TRPA1: variants seen among roughly 807,000 people sequenced by gnomAD.
TRPA1 encodes the protein ankyrin-like with transmembrane domains 1.
A neutral mutation model predicts 131.3 loss-of-function variants in TRPA1; 129 were observed. The ratio of observed to expected loss-of-function variants is 0.98; its 90% confidence interval spans 0.85 to 1.14. The LOEUF (loss-of-function observed/expected upper bound fraction) is 1.14. Ranked by LOEUF, TRPA1 falls within the 50% of genes most tolerant of loss-of-function variation. The pLI is 0.00. For synonymous variants in TRPA1, 441 were observed against 451.7 expected, an observed-to-expected ratio of 0.98 and a Z score of 0.30; for missense variants, 1,304 against 1,354.2, an observed-to-expected ratio of 0.96 and a Z score of 0.58.
chr8:72,059,912 CA>C (rs1805767614), intron 7 of TRPA1, among the ~76,000 whole-genome samples: 1 of 152,008 alleles, frequency 6.6e-6, no homozygotes. Context: ...TTTATGAAGC[CA>C]AAAATAATTA....
chr8:72,052,716 G>C lies in TRPA1; in HGVS notation c.1694C>G (p.Ala565Gly). Residue 565 changes from alanine (A) to glycine (G), a missense_variant, in exon 14 of 27, where the codon GCG becomes GGG. Transcript: ENST00000262209. Reference protein sequence around the residue: ...AAREGHAKAVALLLSHNADIV... With the variant: ...AAREGHAKAVGLLLSHNADIV... The stretch of plus-strand genomic sequence containing the variant: ...GTCAGCATTGTGGCTCAGAAGAAGC[G>C]CAACGGCTTTGGCGTGGCCTTCCCT... 1 of 1,613,774 alleles carries C rather than the reference G, an allele frequency of 6.2e-7. No homozygotes were observed. Among genetic ancestry groups the C allele is most frequent in the African/African-American group, 1.3e-5 (1 of 74,994 alleles).
upstream of TRPA1, among the ~76,000 whole-genome samples, chr8:72,079,814 A>G (rs1243849416): frequency 1.3e-5 from 2 of 151,964 alleles, no homozygotes; most frequent in African/African-American, 2.4e-5. Context: ...TTCAGTTTAT[A>G]TATATCTGTC....
intron 25 of TRPA1, among the ~76,000 whole-genome samples, chr8:72,024,292 A>T (rs908467148): frequency 3.3e-5 from 5 of 152,204 alleles, no homozygotes; most frequent in Non-Finnish European, 5.9e-5. Flanking sequence ...AATACAACTC[A>T]ACCAATCAAC....
At chr8:72,085,815 T>G in the TRPA1 span, among the ~76,000 whole-genome samples, 13 of 152,306 alleles carry the variant, frequency 8.5e-5, no homozygotes, top group African/African-American at 2.6e-4. Flanking sequence ...GTTTTCTTTT[T>G]TATTGTTTTA....
chr8:72,041,852 A>G (rs1162462207), intron 17 of TRPA1, among the ~76,000 whole-genome samples: 1 of 151,840 alleles, frequency 6.6e-6, no homozygotes, highest in African/African-American at 2.4e-5. Context: ...TGAAGAAAAT[A>G]ATAATGATTA....
intron 24 of TRPA1, among the ~76,000 whole-genome samples, chr8:72,029,349 A>T (rs949674303): frequency 6.6e-6 from 1 of 152,210 alleles, no homozygotes; most frequent in African/African-American, 2.4e-5. Flanking sequence ...AAAGATGCTC[A>T]GGCAATTTCT....
At position 72,055,631 on chromosome 8, in the gene TRPA1, G is replaced by A. The variant is rs559897264; in HGVS notation, c.1365-31C>T. The A allele has an allele frequency of 3.1e-6, 5 of 1,613,276 alleles. No individual in the cohort carries two copies. The Admixed American group carries it at 8.3e-5, about 27-fold the overall frequency. On this transcript the variant is annotated intron_variant, in intron 11 of 26. Transcript: ENST00000262209. The stretch of plus-strand genomic sequence containing the variant: ...AAAAAATTAGGTTTCATATTTTCAA[G>A]GCAAATATTAAACAGAAAGAAGACA...
At chr8:72,048,845 C>T (rs1180853071) in intron 15 of TRPA1, among the ~76,000 whole-genome samples, 3 of 152,084 alleles carry the variant, frequency 2.0e-5, no homozygotes, top group African/African-American at 7.2e-5. Context: ...TTCTTATTAA[C>T]ATTTTGGTAT....
chr8:72,050,796 G>A lies in TRPA1; in HGVS notation c.1887C>T (p.Tyr629=). Residue 629 remains tyrosine (Y), a synonymous_variant, in exon 15 of 27, where the codon TAC becomes TAT. Transcript: ENST00000262209. ...NKCPITEMIE[Y]LPECMKVLLD... is the part of the protein sequence containing the mutation. Reference sequence around the variant, plus strand: ...AATTTACCTTCATGCATTCAGGGAGGTATTCTATCATTTCTGTAATTGGAC... The same window carrying A: ...AATTTACCTTCATGCATTCAGGGAGATATTCTATCATTTCTGTAATTGGAC... 6 of 1,610,420 alleles carry A rather than the reference G, an allele frequency of 3.7e-6. No homozygotes were observed. The highest frequency in any genetic ancestry group is 5.1e-6 in the Non-Finnish European group (6 of 1,177,580).
intron 26 of TRPA1, chr8:72,023,346 A>C: frequency 1.7e-6 from 1 of 589,288 alleles, no homozygotes; most frequent in Non-Finnish European, 3.0e-6. Context: ...CCCAGTTTAT[A>C]GGTAAGAAAC....
chr8:72,075,362 C>A lies in TRPA1; in HGVS notation c.48G>T (p.Glu16Asp). ...CATCCTCATAGACAACGCCCTGGGG[C>A]TCCTTCTTTTCTCCAGGGCGCCACA... ...RKMWRPGEKK[E>D]PQGVVYEDVP... Residue 16 changes from glutamate to aspartate, a missense_variant, in exon 1 of 27, where the codon GAG becomes GAT. By Grantham distance (45) the Glu-to-Asp change is conservative. Transcript: ENST00000262209. 1 of 1,612,360 alleles carries A rather than the reference C, an allele frequency of 6.2e-7. No homozygotes were observed. Among genetic ancestry groups the A allele is most frequent in the Non-Finnish European group, 8.5e-7 (1 of 1,179,854 alleles).
intron 21 of TRPA1, among the ~76,000 whole-genome samples, chr8:72,035,119 T>C (rs566423744): frequency 5.9e-5 from 9 of 152,294 alleles, no homozygotes; most frequent in South Asian, 2.1e-4. Flanking sequence ...GTGAAATGTT[T>C]GGATAGATAA....
Position 72,037,966 on chromosome 8 carries a change from CA to C in TRPA1, c.2385+16del. 6.7e-7 allele frequency: 1 copy of C among 1,482,956 alleles called. No individual in the cohort carries two copies. Among genetic ancestry groups the C allele is most frequent in the Non-Finnish European group, 9.4e-7 (1 of 1,062,836 alleles). 91.9% of individuals were successfully genotyped at this position (1,482,956 alleles called of 1,614,324 possible). ...GAAAATATGTGCAACTTTAGAGATA[CA>C]AAATGTATTACATACCTGTTGGAAA... On this transcript the variant is annotated intron_variant, in intron 20 of 26. Coordinates refer to ENST00000262209, the MANE Select transcript of TRPA1 (RefSeq NM_007332.3).
At chr8:72,057,048 C>A in intron 9 of TRPA1, 31 bp from the exon 10 acceptor site, 1 of 1,496,038 alleles carries the variant, frequency 6.7e-7, no homozygotes, top group South Asian at 1.2e-5. Context: ...AATATAAATT[C>A]TATTCATTTA....
intron 1 of TRPA1, among the ~76,000 whole-genome samples, chr8:72,072,701 A>C (rs1032557321): frequency 1.3e-5 from 2 of 152,170 alleles, no homozygotes; most frequent in Admixed American, 1.3e-4. Flanking sequence ...ATTTGGAAGC[A>C]TTTTGGTACT....
Position 72,075,541 on chromosome 8 carries a change from G to A in TRPA1, c.-132C>T, listed in dbSNP as rs535515449. On this transcript the variant is annotated 5_prime_UTR_variant, in exon 1 of 27. Coordinates refer to ENST00000262209, the MANE Select transcript of TRPA1 (RefSeq NM_007332.3). ...GAGCTCTCCCGCGCTGCAGCTCACA[G>A]GCAGCGAAAAAGTCGCTCTGCGGAA... 2.1e-5 allele frequency: 16 copies of A among 761,726 alleles called. No individual in the cohort carries two copies. The highest frequency in any genetic ancestry group is 2.1e-4 in the African/African-American group (12 of 58,410). The allele number at this position is 761,726 out of a possible 1,614,324, so 47.2% of individuals were successfully genotyped here. A position where few individuals can be genotyped will look rare whatever the true frequency, so the allele number is the denominator to read the frequency against.
rs757538835 is a variant in TRPA1 at position 72,038,053 on chromosome 8, G to A, written c.2315C>T (p.Thr772Ile). 4 of 1,563,128 alleles carry A rather than the reference G, an allele frequency of 2.6e-6. No individual in the cohort carries two copies. Among genetic ancestry groups the A allele is most frequent in the Non-Finnish European group, 3.5e-6 (4 of 1,136,864 alleles). ...TGATAAAAACACTAAAATCATACAA[G>A]TTTTTATTAGATATGAATTCTAAAA... ...LDTTNSYLIKTCMILVFLSSI... is the reference protein window; with the variant it reads ...LDTTNSYLIKICMILVFLSSI... Residue 772 changes from threonine (T) to isoleucine (I), a missense_variant, in exon 20 of 27, where the codon ACT (threonine) becomes ATT (isoleucine). Physicochemically the swap from Thr to Ile is moderately conservative, Grantham distance 89. Coordinates refer to ENST00000262209, the MANE Select transcript of TRPA1 (RefSeq NM_007332.3).
the TRPA1 span, among the ~76,000 whole-genome samples, chr8:72,086,745 T>C: frequency 1.3e-5 from 2 of 152,230 alleles, no homozygotes; most frequent in South Asian, 4.1e-4. Context: ...GATTTTCTAT[T>C]GTTTACCTTG....
At chr8:72,053,506 T>G in intron 13 of TRPA1, 1 of 515,562 alleles carries the variant, frequency 1.9e-6, no homozygotes, top group South Asian at 2.0e-5. Context: ...TCAAATTTCA[T>G]TGGCCTGTGG....
Sources: allele counts gnomAD v4.1 joint callset (sites outside exome capture counted in the v4.1 genomes callset), GRCh38; gene constraint gnomAD v4.1.1; transcripts MANE v1.5; gene names NCBI Gene and HGNC (gene_info 2026-07-23, HGNC 2026-07-21).